SIPA1L1: variants seen among roughly 807,000 people sequenced by gnomAD.
SIPA1L1 encodes the protein signal induced proliferation associated 1 like 1.
SIPA1L1 carries 26 observed loss-of-function variants against 162.7 expected under a neutral mutation model. The observed-to-expected ratio is 0.16, with a 90% CI of 0.12 to 0.22. The LOEUF (loss-of-function observed/expected upper bound fraction) is 0.22. SIPA1L1 is among the 10% of genes least tolerant of loss of function. The probability of loss-of-function intolerance (pLI) is 1.00; values close to 1 mark genes in which losing one functional copy is unlikely to be tolerated. For synonymous variants in SIPA1L1, 829 were observed against 837.4 expected (o/e 0.99, Z 0.17); for missense variants, 1,874 against 2,241.0 (o/e 0.84, Z 3.31).
At chr14:71,687,868 C>T (rs531526630) in intron 13 of SIPA1L1, among the ~76,000 whole-genome samples, 91 of 152,262 alleles carry the variant, frequency 6.0e-4, no homozygotes, top group African/African-American at 2.2e-3. Flanking sequence ...ATAGGTGGGG[C>T]TGACGAGGTT....
chr14:71,332,746 C>T (rs2034694768), intron 2 of SIPA1L1, among the ~76,000 whole-genome samples: 1 of 152,184 alleles, frequency 6.6e-6, no homozygotes, highest in Non-Finnish European at 1.5e-5. Context: ...TTCATTCATT[C>T]ATTCATTTCT....
chr14:71,578,448 G>T (rs1479307638), intron 4 of SIPA1L1, among the ~76,000 whole-genome samples: 3 of 152,188 alleles, frequency 2.0e-5, no homozygotes, highest in Non-Finnish European at 4.4e-5. Flanking sequence ...TGCAGCGATT[G>T]TGGCACCAAA....
intron 2 of SIPA1L1, among the ~76,000 whole-genome samples, chr14:71,327,713 C>G (rs1336999805): frequency 1.3e-5 from 2 of 152,176 alleles, no homozygotes; most frequent in Non-Finnish European, 1.5e-5. Flanking sequence ...TTCAGAAACA[C>G]ATGTTCTTGA....
At chr14:71,447,730 AT>A (rs1184896045) in intron 2 of SIPA1L1, among the ~76,000 whole-genome samples, 2 of 151,102 alleles carry the variant, frequency 1.3e-5, no homozygotes, top group Non-Finnish European at 3.0e-5. Flanking sequence ...CACCTGGCTA[AT>A]TTTTTTTGTA....
chr14:71,365,730 ATTT>A (rs745583708), intron 2 of SIPA1L1, among the ~76,000 whole-genome samples: 12 of 140,516 alleles, frequency 8.5e-5, no homozygotes, highest in Non-Finnish European at 1.7e-4. Flanking sequence ...GCTATTAAGT[ATTT>A]TTTTTTTTTT....
intron 17 of SIPA1L1, among the ~76,000 whole-genome samples, chr14:71,713,880 G>T (rs80094657): frequency 1.4e-3 from 207 of 144,702 alleles, no homozygotes; most frequent in Non-Finnish European, 2.5e-3. Flanking sequence ...GCCTGGAAAT[G>T]TTTTTTTTTT....
At chr14:71,618,931 G>T in intron 6 of SIPA1L1, 44 bp downstream of exon 6, 4 of 1,599,422 alleles carry the variant, frequency 2.5e-6, no homozygotes, top group Non-Finnish European at 3.4e-6. Flanking sequence ...CTGAAATGGG[G>T]AAGAAAGCAA....
intron 1 of SIPA1L1, among the ~76,000 whole-genome samples, chr14:71,320,707 C>G (rs547106267): frequency 2.7e-5 from 4 of 150,576 alleles, no homozygotes; most frequent in African/African-American, 7.3e-5. Context: ...TCCTCATCCC[C>G]CCCCCGGCAA....
chr14:71,479,853 A>G (rs2048203595), intron 2 of SIPA1L1, among the ~76,000 whole-genome samples: 1 of 152,070 alleles, frequency 6.6e-6, no homozygotes. Flanking sequence ...CTGCCTCCCT[A>G]GTAGCTGGGA....
At chr14:71,367,683 T>C (rs1371638830) in intron 2 of SIPA1L1, among the ~76,000 whole-genome samples, 3 of 148,870 alleles carry the variant, frequency 2.0e-5, no homozygotes, top group Non-Finnish European at 1.5e-5. Flanking sequence ...CTTGGCTCAC[T>C]GCAACCTCTG....
chr14:71,612,612 G>A (rs1007012365), intron 5 of SIPA1L1, among the ~76,000 whole-genome samples: 1 of 152,122 alleles, frequency 6.6e-6, no homozygotes, highest in Non-Finnish European at 1.5e-5. Context: ...TACATAGCCT[G>A]CAGATACCAT....
chr14:71,600,589 G>A (rs991857378), intron 5 of SIPA1L1, among the ~76,000 whole-genome samples: 11 of 151,922 alleles, frequency 7.2e-5, no homozygotes, highest in Non-Finnish European at 1.5e-4. Context: ...CTCTTTTTTG[G>A]TTCCATATGA....
At chr14:71,521,127 G>A (rs959586360) in intron 3 of SIPA1L1, among the ~76,000 whole-genome samples, 1 of 152,150 alleles carries the variant, frequency 6.6e-6, no homozygotes, top group Non-Finnish European at 1.5e-5. Context: ...GCACTGCTAT[G>A]AACATCCTTG....
intron 13 of SIPA1L1, among the ~76,000 whole-genome samples, chr14:71,687,652 G>A (rs1020295808): frequency 6.6e-6 from 1 of 152,144 alleles, no homozygotes; most frequent in Non-Finnish European, 1.5e-5. Context: ...ATCATATTTC[G>A]ATGGGAGCAG....
chr14:71,733,634 A>AT lies in SIPA1L1; in HGVS notation c.4862-32_4862-31insT, dbSNP rs750896889. On this transcript the variant is annotated intron_variant, in intron 20 of 23. Transcript: ENST00000381232. ...TTTGAGTGGCTCTTCCACAGGCACA[A>AT]GAAGCATCTCATTCCTCCTCCCTTC... The AT allele has an allele frequency of 8.7e-6, 14 of 1,608,120 alleles. 1 individual carries two copies. In the Admixed American group the frequency reaches 1.7e-4, roughly 19 times the overall value.
chr14:71,590,547 A>T, intron 5 of SIPA1L1, among the ~76,000 whole-genome samples: 1 of 152,202 alleles, frequency 6.6e-6, no homozygotes, highest in East Asian at 1.9e-4. Flanking sequence ...TAATATTACT[A>T]CATGATAGGT....
chr14:71,534,408 G>T (rs995609015), intron 4 of SIPA1L1, among the ~76,000 whole-genome samples: 1 of 152,084 alleles, frequency 6.6e-6, no homozygotes, highest in African/African-American at 2.4e-5. Context: ...TTTGTTTGTG[G>T]GTGCAGTGCT....
At chr14:71,738,725 T>C (rs2085547024) in intron 23 of SIPA1L1, among the ~76,000 whole-genome samples, 1 of 152,156 alleles carries the variant, frequency 6.6e-6, no homozygotes, top group African/African-American at 2.4e-5. Flanking sequence ...ACCAACACAA[T>C]TGTCTAAAAT....
At chr14:71,330,902 T>G (rs2034454167) in intron 2 of SIPA1L1, among the ~76,000 whole-genome samples, 1 of 152,270 alleles carries the variant, frequency 6.6e-6, no homozygotes, top group Non-Finnish European at 1.5e-5. Flanking sequence ...TATCCTTTGA[T>G]GCACAAAAAT....
Sources: gnomAD v4.1 joint callset for allele counts (sites outside exome capture counted in the v4.1 genomes callset) on GRCh38, gnomAD v4.1.1 for gene constraint, MANE v1.5 for transcripts, NCBI Gene and HGNC (gene_info 2026-07-23, HGNC 2026-07-21) for gene names.